Variants in CELA2A observed in about 807,000 individuals in gnomAD.
CELA2A encodes chymotrypsin-like elastase family member 2A.
A neutral mutation model predicts 35.3 loss-of-function variants in CELA2A; 31 were observed. The ratio of observed to expected loss-of-function variants is 0.88; its 90% CI spans 0.66 to 1.19. The LOEUF (loss-of-function observed/expected upper bound fraction) is 1.19. Ranked by LOEUF, CELA2A falls within the 50% of genes most tolerant of loss-of-function variation. The pLI is 0.00. For synonymous variants in CELA2A, 150 were observed against 149.8 expected (o/e 1.00, Z -0.01); for missense variants, 330 against 352.9 (o/e 0.94, Z 0.52).
At chr1:15,456,967 C>G (rs1005177720) in intron 1 of CELA2A, 119 bp from the exon 2 acceptor site, 1 of 1,259,492 alleles carries the variant, frequency 7.9e-7, no homozygotes. Flanking sequence ...GATTCTATGA[C>G]CTCTTGGGAT....
intron 2 of CELA2A, chr1:15,457,390 T>C: frequency 1.9e-6 from 1 of 516,620 alleles, no homozygotes; most frequent in South Asian, 2.4e-5. Context: ...GGTGGGCAGA[T>C]CACCTGAAGT....
intron 2 of CELA2A, among the ~76,000 whole-genome samples, chr1:15,461,051 C>T (rs1356239417): frequency 1.3e-5 from 2 of 152,074 alleles, no homozygotes; most frequent in Non-Finnish European, 2.9e-5. Flanking sequence ...GGGAGAAGTG[C>T]CGAGCAAAAG....
At chr1:15,469,777 C>T (rs1708566162) in intron 7 of CELA2A, among the ~76,000 whole-genome samples, 1 of 152,182 alleles carries the variant, frequency 6.6e-6, no homozygotes, top group African/African-American at 2.4e-5. Flanking sequence ...GCGCCACCCA[C>T]ATGTCAAAGG....
intron 3 of CELA2A, 57 bp from the exon 4 acceptor site, chr1:15,462,676 A>C (rs978593808): frequency 7.2e-5 from 116 of 1,603,756 alleles, no homozygotes; most frequent in Non-Finnish European, 8.0e-5. Flanking sequence ...TATCCCCAGC[A>C]TTATCCAAAG....
chr1:15,462,255 G>T (rs534138907), intron 3 of CELA2A: 12 of 465,428 alleles, frequency 2.6e-5, no homozygotes, highest in Non-Finnish European at 4.9e-5. Flanking sequence ...TCTCCCATCC[G>T]ATTTATAATA....
chr1:15,462,271 TA>T (rs36025773), intron 3 of CELA2A: 121,651 of 467,918 alleles, frequency 0.26, 16,486 homozygotes, highest in Middle Eastern at 0.38. Flanking sequence ...TAATAAGCTC[TA>T]GGAGGTATTG....
intron 7 of CELA2A, among the ~76,000 whole-genome samples, chr1:15,468,035 T>TAACCC (rs1708545806): frequency 7.2e-6 from 1 of 139,412 alleles, no homozygotes; most frequent in Admixed American, 8.2e-5. Context: ...GAGGTTGCAG[T>TAACCC]GAGCCAAAAT....
chr1:15,470,360 C>T (rs1295297124), intron 7 of CELA2A, among the ~76,000 whole-genome samples: 2 of 152,114 alleles, frequency 1.3e-5, no homozygotes, highest in Non-Finnish European at 2.9e-5. Flanking sequence ...AGCAGAGAAG[C>T]AGAGGAGACA....
intron 2 of CELA2A, 78 bp from the exon 3 acceptor site, chr1:15,461,483 C>T (rs529194529): frequency 7.3e-6 from 11 of 1,516,372 alleles, no homozygotes; most frequent in African/African-American, 1.4e-5. Flanking sequence ...TTGTCCCAGC[C>T]CCGTTCTTGG....
Position 15,457,076 on chromosome 1 carries a change from C to G in CELA2A, c.41-10C>G. On this transcript the variant is annotated splice_polypyrimidine_tract_variant and intron_variant, in intron 1 of 7. Transcript: ENST00000359621. ...TGCTTCCTGACTCAAGACCCTTTCT[C>G]TTTTCACAGCCCTCAGTTGTGGGGA... is the stretch of plus-strand genomic sequence containing the variant. 6.2e-7 allele frequency: 1 copy of G among 1,613,682 alleles called. No homozygotes were observed. The highest frequency in any genetic ancestry group is 1.1e-5 in the South Asian group (1 of 91,068).
chr1:15,456,983 T>C, intron 1 of CELA2A, 103 bp from the exon 2 acceptor site: 2 of 1,330,564 alleles, frequency 1.5e-6, no homozygotes, highest in African/African-American at 1.4e-5. Context: ...GGGATCCTTC[T>C]AGAACAAGGG....
intron 3 of CELA2A, chr1:15,462,167 G>A (rs747231451): frequency 4.3e-5 from 20 of 470,066 alleles, no homozygotes; most frequent in African/African-American, 3.4e-4. Flanking sequence ...TTCTTTGTCC[G>A]TGACCTCTGC....
chr1:15,470,611 C>T (rs1468736081), intron 7 of CELA2A, among the ~76,000 whole-genome samples: 3 of 152,132 alleles, frequency 2.0e-5, no homozygotes, highest in Non-Finnish European at 2.9e-5. Context: ...GACAGAGTCT[C>T]GCTCTGTCAC....
intron 7 of CELA2A, among the ~76,000 whole-genome samples, chr1:15,468,166 C>CCCAG (rs1014037666): frequency 5.3e-5 from 8 of 151,780 alleles, no homozygotes; most frequent in African/African-American, 1.9e-4. Flanking sequence ...TGTGTGTAGG[C>CCCAG]CCAGACTCCA....
intron 5 of CELA2A, among the ~76,000 whole-genome samples, chr1:15,465,003 CTTTTTTTTTTTT>C (rs34001591): frequency 3.9e-5 from 3 of 77,466 alleles, no homozygotes; most frequent in Admixed American, 1.9e-4. Context: ...CTTAACTTCC[CTTTTTTTTTTTT>C]TTTTTTTTTT....
chr1:15,464,721 T>A (rs377550801), intron 5 of CELA2A, among the ~76,000 whole-genome samples: 24 of 152,188 alleles, frequency 1.6e-4, no homozygotes, highest in East Asian at 1.6e-3. Context: ...AAGCACAACC[T>A]CCTGTTTGTT....
intron 2 of CELA2A, among the ~76,000 whole-genome samples, chr1:15,459,288 T>G (rs1708401426): frequency 6.6e-6 from 1 of 151,478 alleles, no homozygotes; most frequent in Non-Finnish European, 1.5e-5. Context: ...TCAGCCTCCC[T>G]ATCAGCTGAG....
Position 15,467,409 on chromosome 1 carries a change from C to T in CELA2A, c.663C>T (p.Asn221=). Residue 221 remains asparagine (N), a synonymous_variant, in exon 7 of 8, where the codon AAC becomes AAT. Transcript: ENST00000359621. ...AGGGAGACTCTGGCGGGCCACTGAA[C>T]TGTCAGGCGTCTGACGGCCGGTGGC... The part of the protein sequence containing the change: ...SCNGDSGGPL[N]CQASDGRWQV... The T allele has an allele frequency of 1.2e-6, 2 of 1,613,758 alleles. No homozygotes were observed. The highest frequency in any genetic ancestry group is 1.1e-5 in the South Asian group (1 of 91,090).
At chr1:15,461,105 TACTC>T (rs1193200228) in intron 2 of CELA2A, among the ~76,000 whole-genome samples, 2 of 152,062 alleles carry the variant, frequency 1.3e-5, no homozygotes, top group East Asian at 1.9e-4. Flanking sequence ...TGTGAGAACT[TACTC>T]ACTATCATGA....
Sources: gnomAD v4.1 joint callset for allele counts (sites outside exome capture counted in the v4.1 genomes callset) on GRCh38, gnomAD v4.1.1 for gene constraint, MANE v1.5 for transcripts, NCBI Gene and HGNC (gene_info 2026-07-23, HGNC 2026-07-21) for gene names.